ARRB1: variants seen among roughly 807,000 people sequenced by gnomAD.
ARRB1 encodes the protein beta-arrestin-1.
ARRB1 carries 21 observed loss-of-function variants against 56.8 expected under a neutral mutation model. The ratio of observed to expected loss-of-function variants is 0.37; its 90% CI spans 0.26 to 0.53. ARRB1 has a LOEUF of 0.53. Ranked by LOEUF, ARRB1 falls within the 20% of genes least tolerant of loss-of-function variation. The probability of loss-of-function intolerance (pLI) is 0.88; values close to 1 mark genes in which losing one functional copy is unlikely to be tolerated. For synonymous variants in ARRB1, 210 were observed against 218.6 expected (o/e 0.96, Z 0.35); for missense variants, 424 against 553.7 (o/e 0.77, Z 2.35).
intron 1 of ARRB1, among the ~76,000 whole-genome samples, chr11:75,337,002 G>A (rs1030995829): frequency 6.6e-6 from 1 of 152,194 alleles, no homozygotes; most frequent in African/African-American, 2.4e-5. Context: ...AGATAGACAT[G>A]TTTTATTTAA....
intron 1 of ARRB1, among the ~76,000 whole-genome samples, chr11:75,329,052 A>T (rs1481208351): frequency 6.6e-6 from 1 of 150,692 alleles, no homozygotes; most frequent in Non-Finnish European, 1.5e-5. Context: ...CACTAGAAAC[A>T]GCACTTCGCT....
At chr11:75,278,815 C>T in intron 7 of ARRB1, 71 bp from the exon 8 acceptor site, 1 of 1,533,602 alleles carries the variant, frequency 6.5e-7, no homozygotes. Flanking sequence ...GCGAGCCTCA[C>T]ATCATTCTCC....
At chr11:75,327,299 C>CT (rs1947452782) in intron 1 of ARRB1, among the ~76,000 whole-genome samples, 2 of 59,944 alleles carry the variant, frequency 3.3e-5, no homozygotes, top group Admixed American at 1.8e-4. Flanking sequence ...GAAACTCCAT[C>CT]TCAAAAAAAA....
chr11:75,275,123 A>T (rs372830794), intron 10 of ARRB1, among the ~76,000 whole-genome samples: 77 of 137,968 alleles, frequency 5.6e-4, no homozygotes, highest in African/African-American at 1.9e-3. Flanking sequence ...TTTAATTTAA[A>T]TTTATTTTAT....
At position 75,275,476 on chromosome 11, in the gene ARRB1, G is replaced by A. The variant is rs559851381; in HGVS notation, c.777-1265C>T. Reference sequence around the variant, plus strand: ...CACATTTTAAAAAGAAAAAATTATAGCTACACATAAACCATAAATGAAGCT... The same window carrying A: ...CACATTTTAAAAAGAAAAAATTATAACTACACATAAACCATAAATGAAGCT... On this transcript the variant is annotated intron_variant, in intron 10 of 15. Coordinates refer to ENST00000420843, the MANE Select transcript of ARRB1 (RefSeq NM_004041.5). Among the ~76,000 whole-genome samples, 128 of 152,246 alleles carry A rather than the reference G, an allele frequency of 8.4e-4. No homozygotes were observed. In the Middle Eastern group the frequency reaches 0.01, roughly 12 times the overall value.
chr11:75,328,232 G>A (rs368772849), intron 1 of ARRB1, among the ~76,000 whole-genome samples: 12 of 152,188 alleles, frequency 7.9e-5, no homozygotes, highest in East Asian at 7.7e-4. Context: ...TTCATTTCAC[G>A]TAAGGTTTGC....
chr11:75,294,135 C>T (rs1464207467), intron 1 of ARRB1, among the ~76,000 whole-genome samples: 1 of 152,126 alleles, frequency 6.6e-6, no homozygotes, highest in Non-Finnish European at 1.5e-5. Flanking sequence ...TCAGCTATAC[C>T]TAGGTGTGTC....
chr11:75,318,181 G>C (rs1325236458), intron 1 of ARRB1, among the ~76,000 whole-genome samples: 29 of 131,702 alleles, frequency 2.2e-4, no homozygotes, highest in South Asian at 1.0e-3. Context: ...TTTTGAGAGA[G>C]AGAGAGATTG....
At chr11:75,298,350 A>G (rs1344127049) in intron 1 of ARRB1, among the ~76,000 whole-genome samples, 1 of 152,198 alleles carries the variant, frequency 6.6e-6, no homozygotes, top group Admixed American at 6.5e-5. Context: ...CAACTCAACA[A>G]CAAACAGGTG....
At chr11:75,289,330 G>C (rs1946551855) in intron 2 of ARRB1, among the ~76,000 whole-genome samples, 1 of 152,174 alleles carries the variant, frequency 6.6e-6, no homozygotes, top group African/African-American at 2.4e-5. Flanking sequence ...TGCTGGAAAT[G>C]CATCCCTCCT....
intron 1 of ARRB1, among the ~76,000 whole-genome samples, chr11:75,328,874 C>T (rs1591980557): frequency 6.6e-6 from 1 of 151,614 alleles, no homozygotes; most frequent in Non-Finnish European, 1.5e-5. Flanking sequence ...GAAGATGGCC[C>T]CCAGCAGATG....
intron 1 of ARRB1, among the ~76,000 whole-genome samples, chr11:75,323,193 C>G (rs567692620): frequency 6.6e-6 from 1 of 152,334 alleles, no homozygotes; most frequent in Admixed American, 6.5e-5. Flanking sequence ...AACTGCCCAG[C>G]GGAGCTCTTC....
intron 1 of ARRB1, among the ~76,000 whole-genome samples, chr11:75,310,569 G>A (rs527685541): frequency 1.3e-5 from 2 of 152,290 alleles, no homozygotes; most frequent in South Asian, 4.1e-4. Flanking sequence ...GGTTTGGAGT[G>A]TGGTGGATGA....
At chr11:75,270,658 T>C (rs934776200) in intron 13 of ARRB1, among the ~76,000 whole-genome samples, 2 of 150,324 alleles carry the variant, frequency 1.3e-5, no homozygotes, top group African/African-American at 2.4e-5. Context: ...CTGGGCATAG[T>C]AGAGCACACC....
chr11:75,306,801 A>G (rs1206415395), intron 1 of ARRB1: 2 of 630,138 alleles, frequency 3.2e-6, no homozygotes, highest in East Asian at 6.7e-5. Context: ...TTCTCGGGCC[A>G]TGGAGGGCGG....
intron 7 of ARRB1, among the ~76,000 whole-genome samples, chr11:75,279,264 C>T (rs1203057034): frequency 1.3e-5 from 2 of 152,150 alleles, no homozygotes; most frequent in Non-Finnish European, 2.9e-5. Flanking sequence ...GGACAGCGGT[C>T]TCAAGAAGAA....
At chr11:75,278,349 G>C (rs954257849) in intron 8 of ARRB1, among the ~76,000 whole-genome samples, 58 of 152,300 alleles carry the variant, frequency 3.8e-4, no homozygotes, top group African/African-American at 1.3e-3. Flanking sequence ...GAGATGTCCA[G>C]GACCTTCAGG....
chr11:75,305,308 G>A (rs1192182518), intron 1 of ARRB1, among the ~76,000 whole-genome samples: 1 of 151,566 alleles, frequency 6.6e-6, no homozygotes, highest in Non-Finnish European at 1.5e-5. Flanking sequence ...GCCTCCCAGA[G>A]TGCTGGAATT....
At chr11:75,284,362 A>T in intron 3 of ARRB1, 83 bp from the exon 4 acceptor site, 1 of 1,355,178 alleles carries the variant, frequency 7.4e-7, no homozygotes, top group Non-Finnish European at 1.0e-6. Flanking sequence ...CCAAGCCCAG[A>T]TCCAACCATC....
Sources: allele counts gnomAD v4.1 joint callset (sites outside exome capture counted in the v4.1 genomes callset), GRCh38; gene constraint gnomAD v4.1.1; transcripts MANE v1.5; gene names NCBI Gene and HGNC (gene_info 2026-07-23, HGNC 2026-07-21).